Variants in TTN observed in about 807,000 individuals in gnomAD.
TTN encodes the protein titin.
A neutral mutation model predicts 3,223.0 loss-of-function variants in TTN; 1,525 were observed. That is an observed-to-expected ratio of 0.47 (90% CI 0.45 to 0.49). The LOEUF (loss-of-function observed/expected upper bound fraction) is 0.49, where lower values mean the gene tolerates loss of function less well. Among genes scored for constraint, TTN ranks in the 20% least tolerant of loss-of-function variants. The pLI, the probability that TTN is intolerant of heterozygous loss-of-function variation, is 0.00. For missense variants in TTN, 40,786 were observed against 43,424.0 expected (o/e 0.94, Z 5.40); for synonymous variants, 14,094 against 15,161.0 (o/e 0.93, Z 5.17).
chr2:178,595,615 C>G lies in TTN; in HGVS notation c.57739G>C (p.Gly19247Arg). 1 of 1,598,602 alleles carries G rather than the reference C, an allele frequency of 6.3e-7. No homozygotes were observed. Among genetic ancestry groups the G allele is most frequent in the East Asian group, 2.3e-5 (1 of 44,142 alleles). Residue 19247 changes from glycine (G) to arginine (R), a missense_variant, in exon 295 of 363, where the codon GGT (glycine) becomes CGT (arginine). By Grantham distance (125) the Gly-to-Arg change is moderately radical (BLOSUM62 -2). Coordinates refer to ENST00000589042, the MANE Select transcript of TTN (RefSeq NM_001267550.2). Reference sequence around the variant, plus strand: ...AAGTAGGCTTTTCCTTGAATGAGACCCTGGACAGTAGCATTTTGTCGGGTA... The same window carrying G: ...AAGTAGGCTTTTCCTTGAATGAGACGCTGGACAGTAGCATTTTGTCGGGTA... ...TVTRQNATVQ[G>R]LIQGKAYFFR...
At position 178,640,625 on chromosome 2, in the gene TTN, C is replaced by T. The variant is rs200592069; in HGVS notation, c.40639G>A (p.Glu13547Lys). The T allele has an allele frequency of 1.9e-6, 3 of 1,575,928 alleles. No individual in the cohort carries two copies. The highest frequency in any genetic ancestry group is 2.6e-6 in the Non-Finnish European group (3 of 1,166,666). ...LEKVKKPAVP[E>K]PPPPKPVEEV... ...TCAACAGGTTTTGGAGGTGGTGGTT[C>T]TGGTACTTTAAGATAAGATTATTTT... Residue 13547 changes from glutamate (E) to lysine (K), a missense_variant, in exon 221 of 363, where the codon GAA becomes AAA. Coordinates refer to ENST00000589042, the MANE Select transcript of TTN (RefSeq NM_001267550.2).
At chr2:178,709,940 AT>A in intron 98 of TTN, 84 bp from the exon 99 acceptor site, 1 of 1,396,422 alleles carries the variant, frequency 7.2e-7, no homozygotes, top group Non-Finnish European at 9.6e-7. Flanking sequence ...AAACCCTCAT[AT>A]TTTTAGTTAA....
rs576593161 is a variant in TTN at position 178,777,956 on chromosome 2, C to G, written c.4228G>C (p.Val1410Leu). The G allele has an allele frequency of 1.9e-5, 31 of 1,613,886 alleles. No homozygotes were observed. In the African/African-American group the frequency reaches 2.7e-4, roughly 14 times the overall value. ...GACATGCGTATAGGAGACCTGCTCA[C>G]TGAACGTGGAGAGAGAGATCTGCAA... ...SRIRSLSPRS[V>L]SRSPIRMSPA... is the part of the protein sequence containing the mutation. The change falls in exon 25 of 363, where the codon GTG (valine) becomes CTG (leucine). Residue 1410 changes from valine to leucine, a missense_variant. By Grantham distance (32) the Val-to-Leu change is conservative (BLOSUM62 1). Transcript: ENST00000589042.
At position 178,594,337 on chromosome 2, in the gene TTN, C is replaced by CACAT. The variant is rs746841401; in HGVS notation, c.58150+3_58150+6dup. On this transcript the variant is annotated splice_region_variant and intron_variant, in intron 296 of 362. Transcript: ENST00000589042. Reference sequence around the variant, plus strand: ...TTTCAGAAGTATAAATTGTAGTAGACACATACCCAGCTCATCCTTGCAAGT... The same window carrying CACAT: ...TTTCAGAAGTATAAATTGTAGTAGACACATACATACCCAGCTCATCCTTGCAAGT... 3 of 1,592,212 alleles carry CACAT rather than the reference C, an allele frequency of 1.9e-6. No homozygotes were observed. The highest frequency in any genetic ancestry group is 2.6e-6 in the Non-Finnish European group (3 of 1,170,852).
intron 159 of TTN, 45 bp from the exon 160 acceptor site, chr2:178,667,766 G>T (rs1374327216): frequency 1.5e-6 from 2 of 1,349,282 alleles, no homozygotes; most frequent in Non-Finnish European, 1.0e-6. Flanking sequence ...TTTCAAGGTG[G>T]ATAAAGAAGT....
chr2:178,630,420 T>G lies in TTN; in HGVS notation c.44155-53A>C, dbSNP rs947560372. 4 of 1,533,912 alleles carry G rather than the reference T, an allele frequency of 2.6e-6. No homozygotes were observed. The African/African-American group carries it at 5.6e-5, about 22-fold the overall frequency. On this transcript the variant is annotated intron_variant, in intron 238 of 362. Transcript: ENST00000589042. Reference sequence around the variant, plus strand: ...ATAGAAAATAATTTTCTTTGAAATTTTGTTCTAAGGATAGATTATCTTAAT... The same window carrying G: ...ATAGAAAATAATTTTCTTTGAAATTGTGTTCTAAGGATAGATTATCTTAAT...
intron 31 of TTN, 34 bp from the exon 32 acceptor site, chr2:178,773,759 T>G: frequency 6.2e-7 from 1 of 1,614,026 alleles, no homozygotes; most frequent in South Asian, 1.1e-5. Flanking sequence ...ATGAATGAAT[T>G]TTGTTGAAAT....
At position 178,664,926 on chromosome 2, in the gene TTN, G is replaced by C. The variant is rs199868380; in HGVS notation, c.36044C>G (p.Thr12015Arg). The C allele has an allele frequency of 3.6e-4, 572 of 1,604,790 alleles. 1 individual carries two copies. The highest frequency in any genetic ancestry group is 4.5e-4 in the Non-Finnish European group (525 of 1,176,352). The change falls in exon 166 of 363, where the codon ACG (threonine) becomes AGG (arginine). Residue 12015 changes from threonine (T) to arginine (R), a missense_variant and splice_region_variant. Transcript: ENST00000589042. The part of the protein sequence containing the change: ...PEEPETPRMK[T>R]PEAPQEIIPA... The stretch of plus-strand genomic sequence containing the variant: ...AATAATTTCTTGAGGAGCTTCGGGC[G>C]CTTGAAAGATATTAGCAATTCACAT...
chr2:178,706,743 A>C lies in TTN; in HGVS notation c.29135-4T>G, dbSNP rs2075931482. On this transcript the variant is annotated splice_region_variant and splice_polypyrimidine_tract_variant and intron_variant, in intron 101 of 362. Transcript: ENST00000589042. ...GCAATGAAGGTCGCAGTGGTTTCTA[A>C]GGAATAATGAAAACAAGTGAATAAA... The C allele has an allele frequency of 6.2e-7, 1 of 1,602,492 alleles. No homozygotes were observed. The highest frequency in any genetic ancestry group is 8.5e-7 in the Non-Finnish European group (1 of 1,175,032).
At chr2:178,770,810 G>T in intron 34 of TTN, 135 bp from the exon 35 acceptor site, 1 of 1,160,604 alleles carries the variant, frequency 8.6e-7, no homozygotes, top group Non-Finnish European at 1.3e-6. Context: ...CAGCACCTCT[G>T]TTTTAAAAAA....
In TTN at chr2:178,531,977, C is replaced by G. The variant is rs1404462483; in HGVS notation, c.104638G>C (p.Glu34880Gln). 6.2e-7 allele frequency: 1 copy of G among 1,613,748 alleles called. No homozygotes were observed. Among genetic ancestry groups the G allele is most frequent in the South Asian group, 1.1e-5 (1 of 91,056 alleles). ...CTGGGGGATCGTGGGCGAGTTCTCT[C>G]TGGAGTAGGTGACCTTCTTTCTGTG... The part of the protein sequence containing the change: ...DDTERRSPTP[E>Q]RTRPRSPSPV... The change falls in exon 358 of 363, where the codon GAG (glutamate) becomes CAG (glutamine). Residue 34880 changes from glutamate (E) to glutamine (Q), a missense_variant. By Grantham distance (29) the Glu-to-Gln change is conservative. Transcript: ENST00000589042.
rs781537450 is a variant in TTN, at chr2:178,671,117, C to A, written c.35281G>T (p.Val11761Phe). 4 of 1,605,156 alleles carry A rather than the reference C, an allele frequency of 2.5e-6. No individual in the cohort carries two copies. In the East Asian group the frequency reaches 9.0e-5, roughly 36 times the overall value. The part of the protein sequence containing the change: ...IPPKKPPTKV[V>F]PRKEPPAKVP... ...TTAGCTGGTGGCTCTTTTCGAGGAACAACTTTAGTGGGCGGTTTTTTTGGA... is the reference window on the plus strand; with the variant it reads ...TTAGCTGGTGGCTCTTTTCGAGGAAAAACTTTAGTGGGCGGTTTTTTTGGA... The change falls in exon 156 of 363, where the codon GTT (valine) becomes TTT (phenylalanine). Residue 11761 changes from valine (V) to phenylalanine (F), a missense_variant. By Grantham distance (50) the Val-to-Phe change is conservative. Coordinates refer to ENST00000589042, the MANE Select transcript of TTN (RefSeq NM_001267550.2).
In TTN at chr2:178,715,735, A is replaced by G. The variant is rs727504204; in HGVS notation, c.25679T>C (p.Ile8560Thr). 1.3e-6 allele frequency: 2 copies of G among 1,595,348 alleles called. No individual in the cohort carries two copies. The highest frequency in any genetic ancestry group is 1.1e-5 in the South Asian group (1 of 88,522). The change falls in exon 89 of 363, where the codon ATT becomes ACT. Residue 8560 changes from isoleucine to threonine, a missense_variant. Ile to Thr is a moderately conservative substitution (Grantham distance 89). Transcript: ENST00000589042. ...RFIKKLEPSRIVKQDEFTRYE... is the reference protein window; with the variant it reads ...RFIKKLEPSRTVKQDEFTRYE... ...CCTTGTGAATTCATCCTGTTTCACA[A>G]TTCTTGAAGGTTCTAGCTTCTTAAT...
At position 178,608,517 on chromosome 2, in the gene TTN, G is replaced by T; in HGVS notation, c.52406-40C>A. The stretch of plus-strand genomic sequence containing the variant: ...ACATTTGAAGTAAATTTCCCAGTAT[G>T]ACATAAAAATGCAATTTTAAAAGCT... On this transcript the variant is annotated intron_variant, in intron 274 of 362. Transcript: ENST00000589042. 1.9e-6 allele frequency: 3 copies of T among 1,560,376 alleles called. No homozygotes were observed. In the South Asian group the frequency reaches 3.6e-5, roughly 19 times the overall value.
chr2:178,668,787 G>T (rs548426765), intron 159 of TTN, among the ~76,000 whole-genome samples: 1 of 150,736 alleles, frequency 6.6e-6, no homozygotes. Context: ...TTACTATTCA[G>T]GTTGTTGAAC....
rs999281378 is a variant in TTN at position 178,678,133 on chromosome 2, G to T, written c.33986C>A (p.Pro11329Gln). The T allele has an allele frequency of 6.2e-7, 1 of 1,610,434 alleles. No individual in the cohort carries two copies. The highest frequency in any genetic ancestry group is 1.3e-5 in the African/African-American group (1 of 74,598). The change falls in exon 145 of 363, where the codon CCA becomes CAA. Residue 11329 changes from proline to glutamine, a missense_variant. Physicochemically the swap from Pro to Gln is moderately conservative, Grantham distance 76 (BLOSUM62 -1). Coordinates refer to ENST00000589042, the MANE Select transcript of TTN (RefSeq NM_001267550.2). ...TPVPKKVEAP[P>Q]PKVPKKREPV... ...GTTACAGATTAATGTACCTTTGGGT[G>T]GTGGTGCTTCCACTTTTTTCGGAAC...
chr2:178,613,385 TG>T, intron 263 of TTN, 109 bp from the exon 264 acceptor site: 1 of 965,170 alleles, frequency 1.0e-6, no homozygotes, highest in Non-Finnish European at 1.5e-6. Context: ...AAAGGTGATT[TG>T]GAAATTTAAC....
At chr2:178,690,541 G>T (rs1250354348) in intron 121 of TTN, among the ~76,000 whole-genome samples, 1 of 151,936 alleles carries the variant, frequency 6.6e-6, no homozygotes, top group Non-Finnish European at 1.5e-5. Flanking sequence ...TTTGAACAGG[G>T]TTTTCAACCT....
chr2:178,717,536 C>T lies in TTN; in HGVS notation c.25338G>A (p.Lys8446=), dbSNP rs1334183318. Residue 8446 remains lysine (K), a synonymous_variant, in exon 87 of 363, where the codon AAG becomes AAA. Transcript: ENST00000589042. Reference sequence around the variant, plus strand: ...TGAGTTACTCACCTGAGAGAATGAGCTTGGCACTGGATGAAGCAGTCCCAA... The same window carrying T: ...TGAGTTACTCACCTGAGAGAATGAGTTTGGCACTGGATGAAGCAGTCCCAA... ...NPLGTASSSA[K]LILSEHEVPP... is the part of the protein sequence containing the mutation. 2 of 1,604,368 alleles carry T rather than the reference C, an allele frequency of 1.2e-6. No homozygotes were observed. The highest frequency in any genetic ancestry group is 1.7e-6 in the Non-Finnish European group (2 of 1,174,416).
Sources: allele counts gnomAD v4.1 joint callset (sites outside exome capture counted in the v4.1 genomes callset), GRCh38; gene constraint gnomAD v4.1.1; transcripts MANE v1.5; gene names NCBI Gene and HGNC (gene_info 2026-07-23, HGNC 2026-07-21).